Variants in PLEKHG5 observed in about 807,000 individuals in gnomAD.
The protein encoded by PLEKHG5 is pleckstrin homology domain-containing family G member 5.
In PLEKHG5, 52 loss-of-function variants were observed where a neutral mutation model predicts 103.8. That is an observed-to-expected ratio of 0.50 (90% CI 0.40 to 0.63). The LOEUF (loss-of-function observed/expected upper bound fraction) is 0.63. Ranked by LOEUF, PLEKHG5 falls within the 30% of genes least tolerant of loss-of-function variation. PLEKHG5 has a pLI of 0.00. For missense variants in PLEKHG5, 1,205 were observed against 1,347.6 expected (o/e 0.89, Z 1.66); for synonymous variants, 592 against 575.5 (o/e 1.03, Z -0.41).
chr1:6,518,518 C>T (rs1446774491), intron 1 of PLEKHG5, among the ~76,000 whole-genome samples: 1 of 146,504 alleles, frequency 6.8e-6, no homozygotes, highest in African/African-American at 2.5e-5. Flanking sequence ...CATATCGCAC[C>T]ATTGCACTCC....
At position 6,501,777 on chromosome 1, in the gene PLEKHG5, C is replaced by A. The variant is rs1313410986; in HGVS notation, c.-164-5208G>T. The stretch of plus-strand genomic sequence containing the variant: ...CATGGGGCCTGACACAATTAGCTGT[C>A]TGGAAAACGTGAATTGGTCCCCCCA... On this transcript the variant is annotated intron_variant, in intron 1 of 21. Coordinates refer to the PLEKHG5 transcript ENST00000377740. The surrounding 1 kb of genome is among the most constrained non-coding windows in gnomAD (Gnocchi z 4.3). Among the ~76,000 whole-genome samples the A allele has an allele frequency of 6.6e-6, 1 of 152,204 alleles. No homozygotes were observed. The highest frequency in any genetic ancestry group is 2.4e-5 in the African/African-American group (1 of 41,432).
At chr1:6,481,558 AATAAATATAT>A (rs1644902464) in intron 1 of PLEKHG5, among the ~76,000 whole-genome samples, 1 of 144,582 alleles carries the variant, frequency 6.9e-6, no homozygotes, top group African/African-American at 2.6e-5. Flanking sequence ...TAAATAAATA[AATAAATATAT>A]AAGTAAATAA....
chr1:6,489,908 G>A (rs2148620337), intron 1 of PLEKHG5, among the ~76,000 whole-genome samples: 1 of 152,282 alleles, frequency 6.6e-6, no homozygotes, highest in African/African-American at 2.4e-5. Flanking sequence ...ATCTGCAGGG[G>A]ACCTCTTGGC....
chr1:6,489,251 G>A (rs530851064), intron 1 of PLEKHG5, among the ~76,000 whole-genome samples: 8 of 152,170 alleles, frequency 5.3e-5, no homozygotes, highest in African/African-American at 1.2e-4. Context: ...CAGCCAGGGC[G>A]GGGTGGCTTT....
Position 6,468,308 on chromosome 1 carries a change from G to A in PLEKHG5, c.2528C>T (p.Ala843Val). Residue 843 changes from alanine to valine, a missense_variant, in exon 20 of 21, where the codon GCC becomes GTC. Ala to Val is a moderately conservative substitution (Grantham distance 64). Transcript: ENST00000377728. ...PGPMAELVPR[A>V]PESPRVPSPP... Reference sequence around the variant, plus strand: ...GGAAGGAACTCGTGGGGACTCTGGGGCCCGAGGCACTAGCTCTGCCATTGG... The same window carrying A: ...GGAAGGAACTCGTGGGGACTCTGGGACCCGAGGCACTAGCTCTGCCATTGG... 4 of 1,609,710 alleles carry A rather than the reference G, an allele frequency of 2.5e-6. No homozygotes were observed. The highest frequency in any genetic ancestry group is 3.4e-6 in the Non-Finnish European group (4 of 1,178,546).
chr1:6,485,306 C>T (rs1478861588), intron 1 of PLEKHG5: 2 of 1,372,090 alleles, frequency 1.5e-6, no homozygotes, highest in South Asian at 3.3e-5. Flanking sequence ...CCGTTCCCGC[C>T]CCGTCCCGGC....
chr1:6,509,919 G>A (rs1638429397), intron 1 of PLEKHG5, among the ~76,000 whole-genome samples: 1 of 152,182 alleles, frequency 6.6e-6, no homozygotes. Context: ...CCCAACAAGA[G>A]CCCCGTTCCT....
chr1:6,475,637 C>T (rs1644745698), intron 3 of PLEKHG5, 115 bp from the exon 4 acceptor site: 1 of 924,304 alleles, frequency 1.1e-6, no homozygotes, highest in East Asian at 2.4e-5. Flanking sequence ...ACAGGTAACC[C>T]GCGTGGATTC....
chr1:6,508,882 C>T (rs1213102779), intron 1 of PLEKHG5, among the ~76,000 whole-genome samples: 1 of 152,248 alleles, frequency 6.6e-6, no homozygotes, highest in Admixed American at 6.5e-5. Flanking sequence ...CAGGGCCACA[C>T]AGAGCTAGGA....
intron 2 of PLEKHG5, among the ~76,000 whole-genome samples, chr1:6,476,825 G>T (rs1179408236): frequency 6.6e-6 from 1 of 152,142 alleles, no homozygotes; most frequent in African/African-American, 2.4e-5. Flanking sequence ...CACGATCAGG[G>T]CTCACTGGAG....
chr1:6,472,914 G>T, intron 9 of PLEKHG5, 72 bp downstream of exon 9: 1 of 1,440,760 alleles, frequency 6.9e-7, no homozygotes, highest in Non-Finnish European at 9.8e-7. Flanking sequence ...TGGAACATCT[G>T]ATCACTGGGT....
intron 2 of PLEKHG5, 102 bp downstream of exon 2, chr1:6,477,427 C>T (rs2148597747): frequency 8.3e-7 from 1 of 1,200,512 alleles, no homozygotes; most frequent in Non-Finnish European, 1.2e-6. Flanking sequence ...TCATTATTTA[C>T]AGTCGACTTG....
In PLEKHG5 at chr1:6,516,615, C is replaced by T. The variant is rs1199771939; in HGVS notation, c.-165+2830G>A. Among the ~76,000 whole-genome samples, 4 of 151,926 alleles carry T rather than the reference C, an allele frequency of 2.6e-5. No homozygotes were observed. The South Asian group carries it at 8.3e-4, about 32-fold the overall frequency. ...GGGGTTGCAGTGAGCCGAGATCACA[C>T]CACTGCACTCCAGCCTGGGCAACAC... is the stretch of plus-strand genomic sequence containing the variant. On this transcript the variant is annotated intron_variant, in intron 1 of 21. Transcript: ENST00000377740.
Position 6,473,306 on chromosome 1 carries a change from G to C in PLEKHG5, c.740C>G (p.Ala247Gly). 1 of 1,580,798 alleles carries C rather than the reference G, an allele frequency of 6.3e-7. No individual in the cohort carries two copies. Among genetic ancestry groups the C allele is most frequent in the Non-Finnish European group, 8.6e-7 (1 of 1,164,288 alleles). ...NTGDSWKNRAASRFSGFFSSG... is the reference protein window; with the variant it reads ...NTGDSWKNRAGSRFSGFFSSG... ...GCTGAAAAAGCCGCTGAAGCGACTG[G>C]CCGCCCGGTTCTTCCAGCTGTCGCC... Residue 247 changes from alanine (A) to glycine (G), a missense_variant, in exon 8 of 21, where the codon GCC becomes GGC. Transcript: ENST00000377728.
rs1194197605 is a variant in PLEKHG5, at chr1:6,469,102, G to A, written c.2189C>T (p.Ser730Leu). 1 of 1,612,960 alleles carries A rather than the reference G, an allele frequency of 6.2e-7. No individual in the cohort carries two copies. Among genetic ancestry groups the A allele is most frequent in the Non-Finnish European group, 8.5e-7 (1 of 1,179,954 alleles). Reference sequence around the variant, plus strand: ...CATGATGGTAGGGGAGCTGGCAGCTGAAGTGCCACTGTCCTCGCCTTCCTC... The same window carrying A: ...CATGATGGTAGGGGAGCTGGCAGCTAAAGTGCCACTGTCCTCGCCTTCCTC... ...EEEEGEDSGTSAASSPTIMRK... is the reference protein window; with the variant it reads ...EEEEGEDSGTLAASSPTIMRK... The change falls in exon 19 of 21, where the codon TCA (serine) becomes TTA (leucine). Residue 730 changes from serine to leucine, a missense_variant. Ser to Leu is a moderately radical substitution (Grantham distance 145). Transcript: ENST00000377728.
At chr1:6,472,886 C>T in intron 9 of PLEKHG5, 100 bp downstream of exon 9, 1 of 1,156,464 alleles carries the variant, frequency 8.6e-7, no homozygotes, top group Non-Finnish European at 1.3e-6. Context: ...GTAACAGTGG[C>T]CTCTTTGGGG....
In PLEKHG5 at chr1:6,473,289, A is replaced by G; in HGVS notation, c.757T>C (p.Phe253Leu). ...CTGGTGCTGGGGCCGGAGCTGAAAAAGCCGCTGAAGCGACTGGCCGCCCGG... is the reference window on the plus strand; with the variant it reads ...CTGGTGCTGGGGCCGGAGCTGAAAAGGCCGCTGAAGCGACTGGCCGCCCGG... ...KNRAASRFSG[F>L]FSSGPSTSAF... Residue 253 changes from phenylalanine to leucine, a missense_variant, in exon 8 of 21, where the codon TTT becomes CTT. Physicochemically the swap from Phe to Leu is conservative, Grantham distance 22. Transcript: ENST00000377728. The G allele has an allele frequency of 1.3e-6, 2 of 1,596,782 alleles. No homozygotes were observed. The highest frequency in any genetic ancestry group is 4.5e-5 in the East Asian group (2 of 44,000).
chr1:6,519,379 G>T, intron 1 of PLEKHG5: 1 of 1,267,754 alleles, frequency 7.9e-7, no homozygotes, highest in South Asian at 1.2e-5. Flanking sequence ...GACCTGCAAA[G>T]CCCCTCCTTT....
chr1:6,497,563 C>G (rs147932947), upstream of PLEKHG5: 7,919 of 153,152 alleles, frequency 0.052, 224 homozygotes, highest in Middle Eastern at 0.074. The surrounding 1 kb of genome is among the most constrained non-coding windows in gnomAD (Gnocchi z 6.1). Flanking sequence ...GGCCCCTGCG[C>G]GCTGCGGTCC....
Sources: gnomAD v4.1 joint callset for allele counts (sites outside exome capture counted in the v4.1 genomes callset) on GRCh38, gnomAD v4.1.1 for gene constraint, Gnocchi (gnomAD v3.1) non-coding constraint, MANE v1.5 for transcripts, NCBI Gene and HGNC (gene_info 2026-07-23, HGNC 2026-07-21) for gene names.